GRM7: variants seen among roughly 807,000 people sequenced by gnomAD.
The protein encoded by GRM7 is glutamate metabotropic receptor 7.
GRM7 carries 35 observed loss-of-function variants against 84.5 expected under a neutral mutation model. That is an observed-to-expected ratio of 0.41 (90% CI 0.32 to 0.55). The LOEUF is 0.55. Ranked by LOEUF, GRM7 falls within the 20% of genes least tolerant of loss-of-function variation. GRM7 has a pLI of 0.19. For synonymous variants in GRM7, 487 were observed against 455.1 expected (o/e 1.07, Z -0.89); for missense variants, 1,003 against 1,194.6 (o/e 0.84, Z 2.36).
At chr3:7,053,685 C>CT (rs905748954) in intron 1 of GRM7, among the ~76,000 whole-genome samples, 11 of 150,396 alleles carry the variant, frequency 7.3e-5, no homozygotes, top group Admixed American at 6.0e-4. Context: ...TGTATGAAGG[C>CT]TTTTTTTTTC....
chr3:7,095,257 A>T (rs1370561411), intron 1 of GRM7, among the ~76,000 whole-genome samples: 1 of 152,190 alleles, frequency 6.6e-6, no homozygotes, highest in African/African-American at 2.4e-5. Context: ...GGGGAAATGG[A>T]AGCAATGAGT....
Position 7,529,840 on chromosome 3 carries a change from G to T in GRM7, c.1516-48582G>T, listed in dbSNP as rs147534537. On this transcript the variant is annotated intron_variant, in intron 7 of 9. Coordinates refer to ENST00000357716, the MANE Select transcript of GRM7 (RefSeq NM_000844.4). ...TGGCCATTCTCAAAAGACTCAACCT[G>T]GGGAACAAATAAGCTGTTGTTGTTG... 2.7e-3 allele frequency among the ~76,000 whole-genome samples: 404 copies of T among 151,808 alleles called. 3 individuals are homozygous for T. Among genetic ancestry groups the T allele is most frequent in the African/African-American group, 9.6e-3 (398 of 41,380 alleles).
intron 1 of GRM7, among the ~76,000 whole-genome samples, chr3:7,109,267 A>G (rs1692761441): frequency 6.6e-6 from 1 of 152,120 alleles, no homozygotes; most frequent in African/African-American, 2.4e-5. Context: ...TTTGATCATC[A>G]AGAAAAACTA....
intron 6 of GRM7, among the ~76,000 whole-genome samples, chr3:7,454,532 A>G (rs2124895758): frequency 6.6e-6 from 1 of 152,302 alleles, no homozygotes; most frequent in South Asian, 2.1e-4. Flanking sequence ...TTTGGAAAAT[A>G]GTATCTGACT....
intron 7 of GRM7, among the ~76,000 whole-genome samples, chr3:7,493,272 C>T (rs905163740): frequency 9.9e-5 from 15 of 151,990 alleles, no homozygotes; most frequent in African/African-American, 3.6e-4. Flanking sequence ...TTGAACTCTT[C>T]AGCTGTAATT....
intron 2 of GRM7, among the ~76,000 whole-genome samples, chr3:7,214,863 A>T (rs1168687595): frequency 6.6e-6 from 1 of 152,208 alleles, no homozygotes; most frequent in African/African-American, 2.4e-5. Flanking sequence ...TTTTCCTAAG[A>T]AGGTTACAGA....
At chr3:6,920,312 T>G (rs114874076) in intron 1 of GRM7, among the ~76,000 whole-genome samples, 4 of 152,226 alleles carry the variant, frequency 2.6e-5, no homozygotes, top group Non-Finnish European at 5.9e-5. Flanking sequence ...CCTAGCACTT[T>G]GGGAGGCCGA....
intron 2 of GRM7, among the ~76,000 whole-genome samples, chr3:7,154,181 A>G (rs1227818824): frequency 6.6e-6 from 1 of 152,206 alleles, no homozygotes; most frequent in African/African-American, 2.4e-5. Context: ...TTTTAAACCA[A>G]GAACATCGGG....
intron 2 of GRM7, among the ~76,000 whole-genome samples, chr3:7,177,707 G>A (rs1348246345): frequency 6.6e-6 from 1 of 152,052 alleles, no homozygotes; most frequent in Non-Finnish European, 1.5e-5. Flanking sequence ...TTTAAATATC[G>A]AGAATCATGA....
At chr3:6,913,336 G>T (rs1294065744) in intron 1 of GRM7, among the ~76,000 whole-genome samples, 2 of 152,032 alleles carry the variant, frequency 1.3e-5, no homozygotes, top group Admixed American at 6.6e-5. Flanking sequence ...TATTTCTTTT[G>T]TGTGGTATGA....
chr3:7,640,146 A>C (rs1449811721), intron 8 of GRM7, among the ~76,000 whole-genome samples: 1 of 152,172 alleles, frequency 6.6e-6, no homozygotes, highest in Non-Finnish European at 1.5e-5. Flanking sequence ...AATGCCCTAC[A>C]CAGGGTTTTA....
intron 1 of GRM7, among the ~76,000 whole-genome samples, chr3:7,083,830 A>C (rs1698352672): frequency 6.6e-6 from 1 of 152,132 alleles, no homozygotes; most frequent in African/African-American, 2.4e-5. Context: ...ATGAGGTGTC[A>C]CTTGAGCATG....
At chr3:7,577,572 C>T (rs760508733) in intron 7 of GRM7, among the ~76,000 whole-genome samples, 2 of 152,114 alleles carry the variant, frequency 1.3e-5, no homozygotes, top group African/African-American at 2.4e-5. Context: ...TAAAGTTTCC[C>T]GTTGTTTCTA....
intron 8 of GRM7, among the ~76,000 whole-genome samples, chr3:7,617,556 G>A (rs968405318): frequency 5.9e-5 from 9 of 151,924 alleles, no homozygotes; most frequent in Admixed American, 1.3e-4. Flanking sequence ...GCAAAAGATC[G>A]ACAGAATCAA....
At chr3:6,982,552 G>T (rs1694249483) in intron 1 of GRM7, among the ~76,000 whole-genome samples, 1 of 151,610 alleles carries the variant, frequency 6.6e-6, no homozygotes, top group Admixed American at 6.6e-5. Context: ...TTTAATACAT[G>T]TATAGATCCA....
At chr3:7,040,023 T>G (rs1015618344) in intron 1 of GRM7, among the ~76,000 whole-genome samples, 1 of 152,206 alleles carries the variant, frequency 6.6e-6, no homozygotes, top group African/African-American at 2.4e-5. Flanking sequence ...TGGCCAGTAT[T>G]TTTCTCATTA....
chr3:7,593,219 G>A lies in GRM7; in HGVS notation c.2451+13862G>A, dbSNP rs115991041. On this transcript the variant is annotated intron_variant, in intron 8 of 9. Transcript: ENST00000357716. ...CGTTAAAGTACAGTTTTATCAGGTA[G>A]CAGATGGTGAAAGAGTGGCCCCATA... is the stretch of plus-strand genomic sequence containing the variant. 3.0e-3 allele frequency among the ~76,000 whole-genome samples: 460 copies of A among 152,298 alleles called. 4 individuals carry two copies. The Middle Eastern group carries it at 0.031, about 10-fold the overall frequency.
intron 2 of GRM7, among the ~76,000 whole-genome samples, chr3:7,297,140 G>C (rs1327872588): frequency 6.6e-6 from 1 of 151,950 alleles, no homozygotes; most frequent in African/African-American, 2.4e-5. Context: ...ATAATGCTAT[G>C]TTTCCATCTA....
rs1476828470 is a variant in GRM7 at position 7,188,956 on chromosome 3, T to C, written c.736+42288T>C. Among the ~76,000 whole-genome samples, 3 of 152,184 alleles carry C rather than the reference T, an allele frequency of 2.0e-5. No individual in the cohort carries two copies. In the East Asian group the frequency reaches 5.8e-4, roughly 29 times the overall value. On this transcript the variant is annotated intron_variant, in intron 2 of 9. Transcript: ENST00000357716. The surrounding 1 kb of genome is among the most constrained non-coding windows in gnomAD (Gnocchi z 4.2). ...AGCTGGATGGATGTGTGTGGACTCATCTAGGAACAAAGAGCCTAGGAGCTG... is the reference window on the plus strand; with the variant it reads ...AGCTGGATGGATGTGTGTGGACTCACCTAGGAACAAAGAGCCTAGGAGCTG...
Sources: allele counts gnomAD v4.1 joint callset (sites outside exome capture counted in the v4.1 genomes callset), GRCh38; gene constraint gnomAD v4.1.1; non-coding constraint Gnocchi (gnomAD v3.1); transcripts MANE v1.5; gene names NCBI Gene and HGNC (gene_info 2026-07-23, HGNC 2026-07-21).